Variants in ATP13A3 observed in about 807,000 individuals in gnomAD.
ATP13A3 encodes ATPase 13A3.
In ATP13A3, 59 loss-of-function variants were observed where a neutral mutation model predicts 158.1. The ratio of observed to expected loss-of-function variants is 0.37; its 90% CI spans 0.30 to 0.46. The LOEUF (loss-of-function observed/expected upper bound fraction) is 0.46. Ranked by LOEUF, ATP13A3 falls within the 20% of genes least tolerant of loss-of-function variation. The pLI, the probability that ATP13A3 is intolerant of heterozygous loss-of-function variation, is 1.00. For missense variants in ATP13A3, 1,166 were observed against 1,525.2 expected (o/e 0.76, Z 3.92); for synonymous variants, 491 against 504.3 (o/e 0.97, Z 0.35).
intron 32 of ATP13A3, chr3:194,413,147 G>A (rs1715561612): frequency 6.6e-6 from 1 of 152,206 alleles, no homozygotes; most frequent in Admixed American, 6.5e-5. Flanking sequence ...CCTCCTTTTA[G>A]AGACGCTAAC....
At chr3:194,407,596 T>C (rs1186419119) in intron 33 of ATP13A3, among the ~76,000 whole-genome samples, 1 of 152,138 alleles carries the variant, frequency 6.6e-6, no homozygotes, top group Non-Finnish European at 1.5e-5. Flanking sequence ...ATGTTAAAGG[T>C]CTGCTAGCTT....
chr3:194,455,866 T>G (rs934908627), intron 8 of ATP13A3, 27 bp downstream of exon 8: 6 of 1,345,078 alleles, frequency 4.5e-6, no homozygotes, highest in Non-Finnish European at 6.2e-6. Context: ...TCATGACTGT[T>G]AAGTTATATA....
chr3:194,410,316 A>AAAC (rs1715289554), intron 33 of ATP13A3, among the ~76,000 whole-genome samples: 1 of 145,472 alleles, frequency 6.9e-6, no homozygotes, highest in Non-Finnish European at 1.5e-5. Context: ...AAAAAAAAAA[A>AAAC]AAAAAAAAAA....
chr3:194,433,652 C>T (rs1190316023), intron 21 of ATP13A3, 120 bp downstream of exon 21: 1 of 1,270,696 alleles, frequency 7.9e-7, no homozygotes, highest in Non-Finnish European at 1.1e-6. Flanking sequence ...TAAAAGAGAA[C>T]TTAGGTTGAA....
At chr3:194,472,258 T>A (rs541351329) in intron 2 of ATP13A3, among the ~76,000 whole-genome samples, 1 of 147,138 alleles carries the variant, frequency 6.8e-6, no homozygotes, top group East Asian at 1.9e-4. Flanking sequence ...AAAAGTTTTG[T>A]TGCACAGTAG....
rs1714790609 is a variant in ATP13A3, at chr3:194,404,227, A to T, written c.*1692T>A. 2.5e-6 allele frequency: 1 copy of T among 402,970 alleles called. No homozygotes were observed. The highest frequency in any genetic ancestry group is 2.1e-5 in the African/African-American group (1 of 46,954). 25.0% of individuals were successfully genotyped at this position (402,970 alleles called of 1,614,324 possible). A position where few individuals can be genotyped will look rare whatever the true frequency, so the allele number is the denominator to read the frequency against. On this transcript the variant is annotated 3_prime_UTR_variant, in exon 34 of 34. Transcript: ENST00000645319. ...ATTCATGGAACAACTGTTATCATCT[A>T]ATGTGTATTAATAGCATATTATACA... is the stretch of plus-strand genomic sequence containing the variant.
At chr3:194,407,523 C>G (rs774249810) in intron 33 of ATP13A3, among the ~76,000 whole-genome samples, 24 of 152,170 alleles carry the variant, frequency 1.6e-4, no homozygotes, top group Admixed American at 7.9e-4. Context: ...CAGGAACCTA[C>G]CACTCTCTCC....
intron 17 of ATP13A3, among the ~76,000 whole-genome samples, chr3:194,438,635 G>A (rs1200800971): frequency 6.6e-6 from 1 of 152,044 alleles, no homozygotes; most frequent in Non-Finnish European, 1.5e-5. Context: ...TTCAAAATGA[G>A]AATTAAATGT....
At chr3:194,424,466 A>G (rs1716614060) in intron 30 of ATP13A3, 1 of 152,152 alleles carries the variant, frequency 6.6e-6, no homozygotes, top group Non-Finnish European at 1.5e-5. Flanking sequence ...GACAAATAAG[A>G]TAATGTATGA....
At chr3:194,484,991 A>G (rs1720909721) in intron 2 of ATP13A3, among the ~76,000 whole-genome samples, 1 of 152,004 alleles carries the variant, frequency 6.6e-6, no homozygotes, top group African/African-American at 2.4e-5. Context: ...CAGGAGGCAG[A>G]AGTTACAGTG....
At chr3:194,442,709 T>C (rs1718135174) in intron 15 of ATP13A3, among the ~76,000 whole-genome samples, 1 of 152,056 alleles carries the variant, frequency 6.6e-6, no homozygotes, top group Admixed American at 6.6e-5. Flanking sequence ...CCAGAATTTA[T>C]GAAAAACATG....
At chr3:194,477,285 C>T (rs1237770032) in intron 2 of ATP13A3, among the ~76,000 whole-genome samples, 4 of 152,130 alleles carry the variant, frequency 2.6e-5, no homozygotes, top group African/African-American at 4.8e-5. Context: ...TTTCCAACAA[C>T]GTTGAACTTA....
At chr3:194,416,059 T>G (rs1489238159) in intron 31 of ATP13A3, among the ~76,000 whole-genome samples, 1 of 152,078 alleles carries the variant, frequency 6.6e-6, no homozygotes, top group Non-Finnish European at 1.5e-5. Context: ...CAAACTGAAT[T>G]TATTCTAGAA....
intron 32 of ATP13A3, 131 bp downstream of exon 32, chr3:194,413,628 G>A (rs1715598966): frequency 1.2e-6 from 1 of 817,150 alleles, no homozygotes; most frequent in Non-Finnish European, 2.0e-6. Context: ...AAGGCTAAAT[G>A]AATTTGCCTG....
chr3:194,412,366 A>T (rs983741685), intron 32 of ATP13A3, 78 bp from the exon 33 acceptor site: 2 of 1,076,744 alleles, frequency 1.9e-6, no homozygotes, highest in Admixed American at 4.0e-5. Context: ...TTAAAAAATC[A>T]CACATGCTGC....
At chr3:194,424,256 A>T (rs1421097273) in intron 30 of ATP13A3, 1 of 151,710 alleles carries the variant, frequency 6.6e-6, no homozygotes, top group Admixed American at 6.6e-5. Context: ...TAAAGTTCTT[A>T]GTAACACAGT....
rs1311612725 is a variant in ATP13A3 at position 194,447,024 on chromosome 3, A to G, written c.1400T>C (p.Val467Ala). Residue 467 changes from valine to alanine, a missense_variant, in exon 14 of 34, where the codon GTG becomes GCG. Coordinates refer to ENST00000645319, the MANE Select transcript of ATP13A3 (RefSeq NM_001367549.1). ...TTTTTTCAGTCTTCTCTGAGCATAC[A>G]CAATACCAGCAGTCATTGCAGCAGG... is the stretch of plus-strand genomic sequence containing the variant. ...ALPAAMTAGI[V>A]YAQRRLKKIG... is the part of the protein sequence containing the mutation. The G allele has an allele frequency of 6.2e-6, 10 of 1,613,678 alleles. No homozygotes were observed. Among genetic ancestry groups the G allele is most frequent in the Non-Finnish European group, 8.5e-6 (10 of 1,179,722 alleles).
chr3:194,468,603 C>T (rs1186927404), intron 2 of ATP13A3, among the ~76,000 whole-genome samples: 1 of 152,164 alleles, frequency 6.6e-6, no homozygotes, highest in Non-Finnish European at 1.5e-5. Flanking sequence ...ACACAGAAAT[C>T]TCCAAACCTC....
At chr3:194,417,642 T>C (rs1715961231) in intron 31 of ATP13A3, among the ~76,000 whole-genome samples, 3 of 152,004 alleles carry the variant, frequency 2.0e-5, no homozygotes, top group African/African-American at 4.8e-5. Flanking sequence ...ATTAGTCATA[T>C]ATATGGAAAA....
Sources: allele counts gnomAD v4.1 joint callset (sites outside exome capture counted in the v4.1 genomes callset), GRCh38; gene constraint gnomAD v4.1.1; transcripts MANE v1.5; gene names NCBI Gene and HGNC (gene_info 2026-07-23, HGNC 2026-07-21).